Variants in AFF2 observed in about 807,000 individuals in gnomAD.
AFF2 encodes the protein ALF transcription elongation factor 2, also known as AF4/FMR2 family member 2.
Under a neutral mutation model 76.9 loss-of-function variants are expected in AFF2, and 14 were observed. That is an observed-to-expected ratio of 0.18 (90% CI 0.12 to 0.28). The LOEUF (loss-of-function observed/expected upper bound fraction) is 0.28, where lower values mean the gene tolerates loss of function less well. Ranked by LOEUF, AFF2 falls within the 10% of genes least tolerant of loss-of-function variation. AFF2 has a pLI of 1.00. For synonymous variants in AFF2, 398 were observed against 366.7 expected, an observed-to-expected ratio of 1.09 and a Z score of -0.98; for missense variants, 868 against 1,001.1, an observed-to-expected ratio of 0.87 and a Z score of 1.79.
At chrX:148,808,274 C>T (rs1257065642) in intron 3 of AFF2, among the ~76,000 whole-genome samples, 1 of 112,052 alleles carries the variant, frequency 8.9e-6, no homozygotes, top group African/African-American at 3.2e-5. Flanking sequence ...CTGTAAACTC[C>T]ATGAGTGAGG....
intron 7 of AFF2, among the ~76,000 whole-genome samples, chrX:148,868,554 G>A (rs1443116555): frequency 5.3e-5 from 6 of 112,405 alleles, no homozygotes; most frequent in Non-Finnish European, 3.8e-5. Flanking sequence ...AAAGAGAATA[G>A]AAGTGTTAAA....
At chrX:148,946,469 C>G (rs1261415456) in intron 9 of AFF2, among the ~76,000 whole-genome samples, 3 of 112,630 alleles carry the variant, frequency 2.7e-5, no homozygotes, top group Non-Finnish European at 5.6e-5. Flanking sequence ...CAAATTACCT[C>G]AAACTTAGTG....
chrX:148,652,338 A>G (rs782289722), intron 2 of AFF2, among the ~76,000 whole-genome samples: 1 of 111,965 alleles, frequency 8.9e-6, no homozygotes, highest in Admixed American at 9.4e-5. Context: ...GGAGCACAGT[A>G]TGATTGAAGA....
intron 3 of AFF2, among the ~76,000 whole-genome samples, chrX:148,771,627 AAT>A (rs1270002456): frequency 1.8e-5 from 2 of 112,128 alleles, no homozygotes; most frequent in Non-Finnish European, 3.8e-5. Context: ...GACAGTAGTA[AAT>A]ATGTTTTCTC....
intron 3 of AFF2, among the ~76,000 whole-genome samples, chrX:148,760,933 A>G (rs902822705): frequency 4.5e-5 from 5 of 112,041 alleles, no homozygotes; most frequent in Admixed American, 3.8e-4. Flanking sequence ...CTATTTGCCA[A>G]TAGATTTAAG....
intron 1 of AFF2, among the ~76,000 whole-genome samples, chrX:148,612,209 C>G (rs1478450097): frequency 8.9e-6 from 1 of 111,808 alleles, no homozygotes; most frequent in Non-Finnish European, 1.9e-5. Flanking sequence ...ACAATAGCGA[C>G]TTTTCCTAAG....
At chrX:148,909,206 T>C (rs972629436) in intron 9 of AFF2, among the ~76,000 whole-genome samples, 1 of 112,170 alleles carries the variant, frequency 8.9e-6, no homozygotes, top group African/African-American at 3.2e-5. Context: ...CCTTTGAAAA[T>C]CATATGGATA....
intron 9 of AFF2, among the ~76,000 whole-genome samples, chrX:148,943,241 C>T (rs908051944): frequency 8.9e-6 from 1 of 112,389 alleles, no homozygotes; most frequent in African/African-American, 3.2e-5. Context: ...AAGTAAGATT[C>T]ATTCAGTAAG....
chrX:148,501,025 A>C lies in AFF2; in HGVS notation c.-73A>C, dbSNP rs1390183637. 2.2e-5 allele frequency: 25 copies of C among 1,149,802 alleles called. No individual in the cohort carries two copies. The highest frequency in any genetic ancestry group is 2.6e-4 in the Middle Eastern group (1 of 3,798). The allele number at this position is 1,149,802 out of a possible 1,213,427, so 94.8% of individuals were successfully genotyped here. ...CGGGGGCCGCCGAGAACCGCCAGCG[A>C]GCTGTGCCGAGAGCCGCGCCGACCC... On this transcript the variant is annotated 5_prime_UTR_variant, in exon 1 of 21. Coordinates refer to ENST00000370460, the MANE Select transcript of AFF2 (RefSeq NM_002025.4).
At position 148,998,565 on chromosome X, in the gene AFF2, A is replaced by G. The variant is rs6641482; in HGVS notation, c.*7233A>G. On this transcript the variant is annotated 3_prime_UTR_variant, in exon 21 of 21. Coordinates refer to ENST00000370460, the MANE Select transcript of AFF2 (RefSeq NM_002025.4). ...GGAGCAGTGTTTTGACCTTTGATAC[A>G]TAATTCTGGAGCAAGTGGAGTGGTT... The G allele has an allele frequency of 0.12, 13,154 of 111,386 alleles. 682 individuals are homozygous for G. Among genetic ancestry groups the G allele is most frequent in the African/African-American group, 0.19 (5,779 of 30,433 alleles). The allele number at this position is 111,386 out of a possible 1,213,427, so 9.2% of individuals were successfully genotyped here.
intron 3 of AFF2, among the ~76,000 whole-genome samples, chrX:148,677,760 C>G (rs1216542428): frequency 8.9e-6 from 1 of 112,237 alleles, no homozygotes; most frequent in African/African-American, 3.2e-5. Flanking sequence ...GCACTCAGTG[C>G]TATTCTCTCC....
intron 1 of AFF2, among the ~76,000 whole-genome samples, chrX:148,556,274 G>A (rs1557239686): frequency 1.8e-5 from 2 of 112,301 alleles, no homozygotes; most frequent in Admixed American, 9.4e-5. Context: ...AAAACTGCAT[G>A]TTATCTAAGC....
intron 1 of AFF2, among the ~76,000 whole-genome samples, chrX:148,578,024 C>G (rs781796645): frequency 4.4e-5 from 5 of 112,514 alleles, no homozygotes; most frequent in African/African-American, 1.6e-4. Flanking sequence ...CAGCAAATCC[C>G]CAAATTCTTT....
At chrX:148,726,172 C>T (rs1275196062) in intron 3 of AFF2, among the ~76,000 whole-genome samples, 1 of 112,145 alleles carries the variant, frequency 8.9e-6, no homozygotes, top group Non-Finnish European at 1.9e-5. Context: ...ATGCTCTATC[C>T]CTGCCATGAG....
chrX:148,947,115 C>T (rs941585574), intron 9 of AFF2, among the ~76,000 whole-genome samples: 2 of 111,574 alleles, frequency 1.8e-5, no homozygotes, highest in African/African-American at 6.5e-5. Flanking sequence ...TTACTCTTTG[C>T]AAGTAAATTG....
chrX:148,981,656 T>C (rs1226499203), intron 19 of AFF2, among the ~76,000 whole-genome samples: 8 of 111,608 alleles, frequency 7.2e-5, no homozygotes, highest in Non-Finnish European at 1.3e-4. Context: ...CACCCCTCAG[T>C]GATGGGAAGG....
intron 3 of AFF2, among the ~76,000 whole-genome samples, chrX:148,741,676 A>G (rs936830330): frequency 2.7e-5 from 3 of 110,789 alleles, no homozygotes; most frequent in Non-Finnish European, 5.7e-5. Flanking sequence ...ACCCCATTCA[A>G]ATTGTTACAA....
At chrX:148,579,350 T>C (rs2053328050) in intron 1 of AFF2, among the ~76,000 whole-genome samples, 1 of 111,672 alleles carries the variant, frequency 9.0e-6, no homozygotes, top group Non-Finnish European at 1.9e-5. Context: ...ATTGGAGTAG[T>C]GCACACATCT....
chrX:148,791,276 T>C, intron 3 of AFF2, among the ~76,000 whole-genome samples: 1 of 111,859 alleles, frequency 8.9e-6, no homozygotes, highest in Non-Finnish European at 1.9e-5. Flanking sequence ...ACAATCATGA[T>C]GGAAGGTGAA....
Sources: gnomAD v4.1 joint callset for allele counts (sites outside exome capture counted in the v4.1 genomes callset) on GRCh38, gnomAD v4.1.1 for gene constraint, MANE v1.5 for transcripts, NCBI Gene and HGNC (gene_info 2026-07-23, HGNC 2026-07-21) for gene names.